NEK4: variants seen among roughly 807,000 people sequenced by gnomAD.
The protein encoded by NEK4 is serine/threonine-protein kinase Nek4.
In NEK4, 86 loss-of-function variants were observed where a neutral mutation model predicts 98.4. The observed-to-expected ratio is 0.87, with a 90% CI of 0.73 to 1.05. The LOEUF is 1.05. Ranked by LOEUF, NEK4 falls within the 50% of genes least tolerant of loss-of-function variation. The probability of loss-of-function intolerance (pLI) is 0.00; values close to 1 mark genes in which losing one functional copy is unlikely to be tolerated. For missense variants in NEK4, 898 were observed against 950.3 expected (o/e 0.94, Z 0.72); for synonymous variants, 328 against 342.2 (o/e 0.96, Z 0.46).
chr3:52,735,272 T>G (rs2097374370), intron 15 of NEK4, among the ~76,000 whole-genome samples: 1 of 152,230 alleles, frequency 6.6e-6, no homozygotes, highest in Non-Finnish European at 1.5e-5. Flanking sequence ...ATGTCTAAAC[T>G]TTTAAAACAT....
chr3:52,749,795 C>T lies in NEK4; in HGVS notation c.1403G>A (p.Gly468Asp). ...LALSPKLECS[G>D]TILAHSNLRL... is the part of the protein sequence containing the mutation. The stretch of plus-strand genomic sequence containing the variant: ...GAGGTTGCTGTGAGCCAAGATTGTG[C>T]CACTGCACTCCAGCTTGGGCGACAG... Residue 468 changes from glycine (G) to aspartate (D), a missense_variant, in exon 8 of 16, where the codon GGC becomes GAC. Transcript: ENST00000233027. 1 of 174,798 alleles carries T rather than the reference C, an allele frequency of 5.7e-6. No individual in the cohort carries two copies. Among genetic ancestry groups the T allele is most frequent in the Non-Finnish European group, 1.3e-5 (1 of 78,532 alleles). The allele number at this position is 174,798 out of a possible 1,614,324, so 10.8% of individuals were successfully genotyped here.
chr3:52,759,299 G>C (rs1024138103), intron 6 of NEK4, among the ~76,000 whole-genome samples: 1 of 151,950 alleles, frequency 6.6e-6, no homozygotes, highest in African/African-American at 2.4e-5. Flanking sequence ...TACTCAGGAG[G>C]CTGAGGTGGG....
Position 52,737,693 on chromosome 3 carries a change from T to C in NEK4, c.2326A>G (p.Arg776Gly). 1 of 1,613,670 alleles carries C rather than the reference T, an allele frequency of 6.2e-7. No individual in the cohort carries two copies. Among genetic ancestry groups the C allele is most frequent in the Non-Finnish European group, 8.5e-7 (1 of 1,179,714 alleles). The change falls in exon 15 of 16, where the codon AGG (arginine) becomes GGG (glycine). Residue 776 changes from arginine to glycine, a missense_variant. Transcript: ENST00000233027. ...SAIMPGSEKI[R>G]RLVEVLRTDV... ...GTTCTCAAGACTTCAACTAGTCTCC[T>C]GATCTTTTCAGAACCTGGCATAATA...
chr3:52,760,191 CTTTAT>C (rs1030170094), intron 6 of NEK4, among the ~76,000 whole-genome samples: 50 of 152,118 alleles, frequency 3.3e-4, no homozygotes, highest in African/African-American at 1.1e-3. Context: ...TAATTGATCA[CTTTAT>C]TTATTTATTT....
intron 8 of NEK4, among the ~76,000 whole-genome samples, chr3:52,748,053 G>A (rs2154104741): frequency 6.6e-6 from 1 of 152,098 alleles, no homozygotes; most frequent in East Asian, 1.9e-4. Flanking sequence ...TCCTCCTCCT[G>A]GGTTCACGCC....
intron 6 of NEK4, among the ~76,000 whole-genome samples, chr3:52,755,486 C>T (rs973901438): frequency 1.3e-5 from 2 of 150,746 alleles, no homozygotes; most frequent in Admixed American, 1.3e-4. Context: ...AAAAAAAACA[C>T]CTTTTCATGA....
Position 52,725,273 on chromosome 3 carries a change from A to G in NEK4, c.2433+12313T>C, listed in dbSNP as rs570407161. Among the ~76,000 whole-genome samples the G allele has an allele frequency of 2.0e-5, 3 of 152,320 alleles. No individual in the cohort carries two copies. The South Asian group carries it at 6.2e-4, about 32-fold the overall frequency. Reference sequence around the variant, plus strand: ...ACGCCTGTAATCCCAGCACTTTGGGAGGCTGAGGCGGGTGGATCACGAGGT... The same window carrying G: ...ACGCCTGTAATCCCAGCACTTTGGGGGGCTGAGGCGGGTGGATCACGAGGT... On this transcript the variant is annotated intron_variant, in intron 15 of 15. Coordinates refer to ENST00000233027, the MANE Select transcript of NEK4 (RefSeq NM_003157.6).
intron 4 of NEK4, among the ~76,000 whole-genome samples, chr3:52,764,944 A>G (rs1336960650): frequency 1.3e-5 from 2 of 152,240 alleles, no homozygotes; most frequent in Non-Finnish European, 2.9e-5. Flanking sequence ...AAGTAGTGGC[A>G]TTATGGGAAA....
chr3:52,718,802 G>A (rs1249262475), intron 15 of NEK4, among the ~76,000 whole-genome samples: 1 of 152,162 alleles, frequency 6.6e-6, no homozygotes, highest in African/African-American at 2.4e-5. Flanking sequence ...TGCCCAGGCT[G>A]GAGTGCAATG....
At chr3:52,714,123 G>A (rs1444301373) in intron 15 of NEK4, among the ~76,000 whole-genome samples, 1 of 152,098 alleles carries the variant, frequency 6.6e-6, no homozygotes, top group Non-Finnish European at 1.5e-5. Flanking sequence ...GTAGTCCTAG[G>A]TACTTGGGAG....
chr3:52,752,106 T>C lies in NEK4; in HGVS notation c.1194A>G (p.Gly398=). Residue 398 remains glycine, a synonymous_variant, in exon 7 of 16, where the codon GGA becomes GGG. Transcript: ENST00000233027. The stretch of plus-strand genomic sequence containing the variant: ...CCACTTGAGAAATACTGCATATACC[T>C]CCTAACTCATTAGAGGCATCCAAAT... The part of the protein sequence containing the change: ...PRYLDASNEL[G]GICSISQVEE... The C allele has an allele frequency of 1.2e-6, 2 of 1,614,136 alleles. No individual in the cohort carries two copies. The highest frequency in any genetic ancestry group is 1.1e-5 in the South Asian group (1 of 91,084).
intron 11 of NEK4, 49 bp downstream of exon 11, chr3:52,744,190 A>G: frequency 7.3e-7 from 1 of 1,377,010 alleles, no homozygotes; most frequent in Non-Finnish European, 1.0e-6. Context: ...TCTGTCCACG[A>G]ACCATACCCC....
chr3:52,719,998 A>G (rs938964372), intron 15 of NEK4, among the ~76,000 whole-genome samples: 3 of 152,188 alleles, frequency 2.0e-5, no homozygotes, highest in Non-Finnish European at 2.9e-5. Context: ...GGAGCAGAAA[A>G]AAGTCCAGGC....
chr3:52,741,120 C>T (rs1267060413), intron 13 of NEK4, among the ~76,000 whole-genome samples: 1 of 151,416 alleles, frequency 6.6e-6, no homozygotes, highest in Non-Finnish European at 1.5e-5. Flanking sequence ...CCTGTGGTCC[C>T]AGCTACTTGG....
At chr3:52,732,212 T>G (rs1471105498) in intron 15 of NEK4, among the ~76,000 whole-genome samples, 2 of 152,156 alleles carry the variant, frequency 1.3e-5, no homozygotes, top group Non-Finnish European at 2.9e-5. Context: ...TTTTTCTTTT[T>G]GAGACACAGT....
chr3:52,730,987 T>G (rs974360358), intron 15 of NEK4, among the ~76,000 whole-genome samples: 2 of 152,216 alleles, frequency 1.3e-5, no homozygotes, highest in Non-Finnish European at 2.9e-5. Flanking sequence ...ACAATGTGAA[T>G]GTACTTAATA....
chr3:52,743,765 T>A (rs1433721004), intron 11 of NEK4, among the ~76,000 whole-genome samples: 27 of 152,152 alleles, frequency 1.8e-4, no homozygotes, highest in Admixed American at 1.8e-3. Context: ...CCTTAATATG[T>A]TTACCATAAT....
intron 10 of NEK4, among the ~76,000 whole-genome samples, chr3:52,745,713 TAAG>T (rs2097394892): frequency 6.6e-6 from 1 of 152,162 alleles, no homozygotes; most frequent in African/African-American, 2.4e-5. Context: ...AAAAGCTTTA[TAAG>T]AAGGTTTTGG....
intron 15 of NEK4, among the ~76,000 whole-genome samples, chr3:52,717,314 G>A (rs1246355462): frequency 6.6e-6 from 1 of 151,810 alleles, no homozygotes; most frequent in East Asian, 1.9e-4. Flanking sequence ...GGCTGAGGTA[G>A]GAGAATCACT....
Sources: allele counts gnomAD v4.1 joint callset (sites outside exome capture counted in the v4.1 genomes callset), GRCh38; gene constraint gnomAD v4.1.1; transcripts MANE v1.5; gene names NCBI Gene and HGNC (gene_info 2026-07-23, HGNC 2026-07-21).